SPAG16: variants seen among roughly 807,000 people sequenced by gnomAD.
The protein encoded by SPAG16 is sperm associated antigen 16.
In SPAG16, 86 loss-of-function variants were observed where a neutral mutation model predicts 80.4. The ratio of observed to expected loss-of-function variants is 1.07; its 90% confidence interval spans 0.90 to 1.28. The LOEUF is 1.28. SPAG16 is among the 50% of genes most tolerant of loss of function. The probability of loss-of-function intolerance (pLI) is 0.00; values close to 1 mark genes in which losing one functional copy is unlikely to be tolerated. For missense variants in SPAG16, 870 were observed against 765.3 expected (o/e 1.14, Z -1.61); for synonymous variants, 294 against 265.9 (o/e 1.11, Z -1.03).
intron 10 of SPAG16, among the ~76,000 whole-genome samples, chr2:213,619,198 A>G (rs2125046097): frequency 6.6e-6 from 1 of 152,266 alleles, no homozygotes; most frequent in South Asian, 2.1e-4. Context: ...CTATACAAAA[A>G]TCAACTCAAA....
At chr2:213,798,499 C>G (rs907350828) in intron 10 of SPAG16, among the ~76,000 whole-genome samples, 1 of 152,246 alleles carries the variant, frequency 6.6e-6, no homozygotes, top group East Asian at 1.9e-4. Flanking sequence ...AAGTGATCCT[C>G]CCACCTTGGC....
At chr2:213,343,731 A>G (rs1251046682) in intron 6 of SPAG16, among the ~76,000 whole-genome samples, 1 of 152,178 alleles carries the variant, frequency 6.6e-6, no homozygotes, top group Non-Finnish European at 1.5e-5. Context: ...AGAAGATTGG[A>G]CATTGCCAAT....
At chr2:214,389,721 A>G (rs756977359) in intron 15 of SPAG16, among the ~76,000 whole-genome samples, 1 of 152,216 alleles carries the variant, frequency 6.6e-6, no homozygotes, top group African/African-American at 2.4e-5. Flanking sequence ...TTTCCACTGA[A>G]AATCCCAATG....
chr2:213,496,056 T>C (rs889517538), intron 10 of SPAG16, among the ~76,000 whole-genome samples: 6 of 152,180 alleles, frequency 3.9e-5, no homozygotes, highest in Non-Finnish European at 8.8e-5. Flanking sequence ...CAGTTTTACA[T>C]ACATAAAAAC....
chr2:213,638,178 A>G (rs1268046914), intron 10 of SPAG16, among the ~76,000 whole-genome samples: 2 of 152,070 alleles, frequency 1.3e-5, no homozygotes, highest in Admixed American at 6.5e-5. Flanking sequence ...AATTGTGTTT[A>G]TCTTTTCAAT....
chr2:213,731,163 T>G (rs1293990229), intron 10 of SPAG16, among the ~76,000 whole-genome samples: 2 of 147,576 alleles, frequency 1.4e-5, no homozygotes, highest in African/African-American at 4.9e-5. Context: ...GTTTTTTTTT[T>G]TTTTTTTTTT....
intron 12 of SPAG16, among the ~76,000 whole-genome samples, chr2:213,943,670 A>T (rs192449935): frequency 4.5e-4 from 68 of 152,336 alleles, no homozygotes; most frequent in Admixed American, 1.0e-3. Context: ...GACTGCTTAT[A>T]GTAAAGTGTG....
At chr2:213,676,235 A>G (rs1480784620) in intron 10 of SPAG16, among the ~76,000 whole-genome samples, 2 of 152,158 alleles carry the variant, frequency 1.3e-5, no homozygotes, top group Non-Finnish European at 2.9e-5. Flanking sequence ...TTGATTTTGT[A>G]TCCTGAGACT....
intron 10 of SPAG16, among the ~76,000 whole-genome samples, chr2:213,543,182 C>A (rs1358016203): frequency 6.6e-6 from 1 of 151,978 alleles, no homozygotes; most frequent in Non-Finnish European, 1.5e-5. Context: ...AAGAAGAAAT[C>A]GATGAGCTAA....
chr2:214,055,290 A>C (rs11694832), intron 13 of SPAG16, among the ~76,000 whole-genome samples: 30,662 of 152,076 alleles, frequency 0.2, 3,753 homozygotes, highest in Non-Finnish European at 0.28. Flanking sequence ...TGTAACTTTA[A>C]AAACATGAAT....
chr2:214,232,796 A>G (rs967251162), intron 15 of SPAG16, among the ~76,000 whole-genome samples: 7 of 152,070 alleles, frequency 4.6e-5, no homozygotes. Context: ...ACATAAAAAC[A>G]GCATCATCAA....
chr2:213,722,008 A>G (rs573131474), intron 10 of SPAG16, among the ~76,000 whole-genome samples: 1 of 152,384 alleles, frequency 6.6e-6, no homozygotes, highest in East Asian at 1.9e-4. Flanking sequence ...TTCTTTCTAA[A>G]CATAATTGAC....
At chr2:214,377,538 T>C (rs1306268048) in intron 15 of SPAG16, among the ~76,000 whole-genome samples, 2 of 152,222 alleles carry the variant, frequency 1.3e-5, no homozygotes, top group Non-Finnish European at 1.5e-5. Context: ...TTTTCTTTTC[T>C]CTAGCTTATG....
intron 15 of SPAG16, among the ~76,000 whole-genome samples, chr2:214,207,723 T>C (rs1006288252): frequency 6.6e-6 from 1 of 152,144 alleles, no homozygotes; most frequent in Non-Finnish European, 1.5e-5. Flanking sequence ...AGTCAGGGGA[T>C]TGGGAGAAGA....
At chr2:214,066,542 G>C (rs2050538538) in intron 13 of SPAG16, among the ~76,000 whole-genome samples, 1 of 151,802 alleles carries the variant, frequency 6.6e-6, no homozygotes, top group African/African-American at 2.4e-5. Context: ...TTCCTTATTG[G>C]TTTCAAACTC....
chr2:214,299,626 A>G (rs937349861), intron 15 of SPAG16, among the ~76,000 whole-genome samples: 2 of 152,188 alleles, frequency 1.3e-5, no homozygotes, highest in Non-Finnish European at 2.9e-5. Context: ...TTATTGGCAA[A>G]GTAAGTTTTA....
chr2:213,854,536 G>A (rs567667777), intron 10 of SPAG16, among the ~76,000 whole-genome samples: 12 of 152,264 alleles, frequency 7.9e-5, no homozygotes, highest in Non-Finnish European at 1.8e-4. Context: ...TAGGCAGGCA[G>A]GCCCCAGATA....
chr2:213,718,375 C>A (rs1376175661), intron 10 of SPAG16, among the ~76,000 whole-genome samples: 2 of 152,064 alleles, frequency 1.3e-5, no homozygotes, highest in Non-Finnish European at 2.9e-5. Context: ...CCTGCCTGGG[C>A]TCCCACTTTG....
chr2:213,623,348 A>C (rs1484097916), intron 10 of SPAG16, among the ~76,000 whole-genome samples: 1 of 152,100 alleles, frequency 6.6e-6, no homozygotes, highest in Non-Finnish European at 1.5e-5. Flanking sequence ...TTCCTGAACT[A>C]TGAATTCTAT....
Sources: gnomAD v4.1 joint callset for allele counts (sites outside exome capture counted in the v4.1 genomes callset) on GRCh38, gnomAD v4.1.1 for gene constraint, MANE v1.5 for transcripts, NCBI Gene and HGNC (gene_info 2026-07-23, HGNC 2026-07-21) for gene names.